Variants in DLEU7 observed in about 807,000 individuals in gnomAD.
DLEU7 encodes the protein leukemia-associated protein 7.
DLEU7 carries 17 observed loss-of-function variants against 16.0 expected under a neutral mutation model. That is an observed-to-expected ratio of 1.06 (90% CI 0.73 to 1.59). The LOEUF (loss-of-function observed/expected upper bound fraction) is 1.59, where lower values mean the gene tolerates loss of function less well. Ranked by LOEUF, DLEU7 falls within the 40% of genes most tolerant of loss-of-function variation. The pLI, the probability that DLEU7 is intolerant of heterozygous loss-of-function variation, is 0.00. For synonymous variants in DLEU7, 113 were observed against 139.8 expected (o/e 0.81, Z 1.35); for missense variants, 308 against 314.9 (o/e 0.98, Z 0.17).
At chr13:50,752,018 G>C (rs1437751721) in intron 1 of DLEU7, among the ~76,000 whole-genome samples, 1 of 149,352 alleles carries the variant, frequency 6.7e-6, no homozygotes, top group Admixed American at 6.7e-5. Context: ...AGTTCCTTGA[G>C]GTGTGACTTT....
At chr13:50,760,491 C>A (rs1671818119) in intron 1 of DLEU7, among the ~76,000 whole-genome samples, 1 of 152,048 alleles carries the variant, frequency 6.6e-6, no homozygotes, top group African/African-American at 2.4e-5. Context: ...CCTCACAAGT[C>A]GCTAGGATTA....
At chr13:50,824,817 A>G (rs1023838920) in intron 1 of DLEU7, among the ~76,000 whole-genome samples, 2 of 152,232 alleles carry the variant, frequency 1.3e-5, no homozygotes, top group African/African-American at 4.8e-5. Flanking sequence ...TTGCCCTACA[A>G]TAGTATTTGC....
intron 1 of DLEU7, among the ~76,000 whole-genome samples, chr13:50,800,498 T>G (rs1876218456): frequency 6.6e-6 from 1 of 152,106 alleles, no homozygotes; most frequent in African/African-American, 2.4e-5. Flanking sequence ...TGCTAATTGC[T>G]ACCTATACCC....
chr13:50,744,026 A>G (rs1417060036), intron 1 of DLEU7, among the ~76,000 whole-genome samples: 2 of 152,160 alleles, frequency 1.3e-5, no homozygotes, highest in African/African-American at 2.4e-5. Flanking sequence ...GCCAATGGGT[A>G]TATAAGGGAG....
At chr13:50,782,376 A>G (rs1204926044) in intron 1 of DLEU7, among the ~76,000 whole-genome samples, 1 of 152,122 alleles carries the variant, frequency 6.6e-6, no homozygotes, top group Non-Finnish European at 1.5e-5. Context: ...CCTCCAATAT[A>G]GCTCTTTTCT....
intron 1 of DLEU7, among the ~76,000 whole-genome samples, chr13:50,834,802 T>A (rs1877398070): frequency 6.6e-6 from 1 of 152,028 alleles, no homozygotes; most frequent in South Asian, 2.1e-4. Flanking sequence ...CAAATGCCCA[T>A]CAATGATAGA....
intron 1 of DLEU7, among the ~76,000 whole-genome samples, chr13:50,732,752 T>C (rs761318479): frequency 6.6e-6 from 1 of 152,120 alleles, no homozygotes; most frequent in Non-Finnish European, 1.5e-5. Flanking sequence ...TGAATTCTAT[T>C]AGATGACCTA....
chr13:50,774,047 C>T (rs990924129), intron 1 of DLEU7, among the ~76,000 whole-genome samples: 1 of 152,184 alleles, frequency 6.6e-6, no homozygotes, highest in Non-Finnish European at 1.5e-5. Flanking sequence ...GTGAGCAAGG[C>T]TCTGTGGGCA....
At chr13:50,738,408 A>C (rs1874146850) in intron 1 of DLEU7, among the ~76,000 whole-genome samples, 1 of 152,178 alleles carries the variant, frequency 6.6e-6, no homozygotes, top group African/African-American at 2.4e-5. Flanking sequence ...AATTGCCAGT[A>C]CATGGTGATA....
At chr13:50,831,172 A>AAGAAT (rs1390652420) in intron 1 of DLEU7, among the ~76,000 whole-genome samples, 6 of 152,056 alleles carry the variant, frequency 3.9e-5, no homozygotes, top group African/African-American at 1.4e-4. Flanking sequence ...AAGAAAAGAA[A>AAGAAT]AGAGAAAAGA....
At chr13:50,760,603 T>C (rs186394560) in intron 1 of DLEU7, among the ~76,000 whole-genome samples, 2 of 152,316 alleles carry the variant, frequency 1.3e-5, no homozygotes, top group East Asian at 3.9e-4. Context: ...CCTCAAGTGA[T>C]CCTTCTGCCG....
chr13:50,820,251 T>C (rs563402613), downstream of DLEU7, among the ~76,000 whole-genome samples: 1 of 151,952 alleles, frequency 6.6e-6, no homozygotes, highest in East Asian at 1.9e-4. Context: ...GAATTGTAAG[T>C]AACTAATTTG....
chr13:50,823,857 T>G (rs921299735), intron 1 of DLEU7, among the ~76,000 whole-genome samples: 20 of 152,178 alleles, frequency 1.3e-4, no homozygotes, highest in African/African-American at 4.8e-4. Flanking sequence ...CTTGCCACCA[T>G]AAGGATAGCA....
At chr13:50,838,993 T>A (rs1199867998) in intron 1 of DLEU7, among the ~76,000 whole-genome samples, 1 of 152,178 alleles carries the variant, frequency 6.6e-6, no homozygotes, top group Non-Finnish European at 1.5e-5. Context: ...ACAGGGAGAA[T>A]ATAAATGTCT....
chr13:50,766,238 G>C (rs1437350314), intron 1 of DLEU7, among the ~76,000 whole-genome samples: 1 of 152,170 alleles, frequency 6.6e-6, no homozygotes, highest in Non-Finnish European at 1.5e-5. Flanking sequence ...GAAGGATACT[G>C]TCAGCCCAAA....
intron 1 of DLEU7, among the ~76,000 whole-genome samples, chr13:50,804,432 C>CTGT (rs199750498): frequency 1.5e-5 from 2 of 129,584 alleles, no homozygotes; most frequent in African/African-American, 5.8e-5. Flanking sequence ...TTTTTTTTTT[C>CTGT]TGTTGTTGTT....
chr13:50,835,062 A>T, intron 1 of DLEU7, among the ~76,000 whole-genome samples: 1 of 148,448 alleles, frequency 6.7e-6, no homozygotes, highest in African/African-American at 2.5e-5. Flanking sequence ...GGGCTAGGGG[A>T]GGGATAGCAT....
chr13:50,750,604 C>A (rs930240413), intron 1 of DLEU7, among the ~76,000 whole-genome samples: 26 of 152,130 alleles, frequency 1.7e-4, no homozygotes, highest in African/African-American at 6.3e-4. Flanking sequence ...TCTATGATTT[C>A]TTTCAAAAGC....
chr13:50,791,459 G>A (rs967404257), intron 1 of DLEU7, among the ~76,000 whole-genome samples: 7 of 152,122 alleles, frequency 4.6e-5, no homozygotes, highest in African/African-American at 1.7e-4. Context: ...GGGAGCAGTC[G>A]GAACAGGGTA....
Sources: allele counts gnomAD v4.1 joint callset (sites outside exome capture counted in the v4.1 genomes callset), GRCh38; gene constraint gnomAD v4.1.1; transcripts MANE v1.5; gene names NCBI Gene and HGNC (gene_info 2026-07-23, HGNC 2026-07-21).